Variants in MSTO1 observed in about 807,000 individuals in gnomAD.
MSTO1 encodes protein misato homolog 1.
In MSTO1, 24 loss-of-function variants were observed where a neutral mutation model predicts 55.7. The observed-to-expected ratio is 0.43, with a 90% confidence interval of 0.31 to 0.61. MSTO1 has a LOEUF of 0.61. Ranked by LOEUF, MSTO1 falls within the 20% of genes least tolerant of loss-of-function variation. The probability of loss-of-function intolerance (pLI) is 0.09; values close to 1 mark genes in which losing one functional copy is unlikely to be tolerated. For missense variants in MSTO1, 363 were observed against 625.7 expected (o/e 0.58, Z 4.48); for synonymous variants, 162 against 252.8 (o/e 0.64, Z 3.41).
At chr1:155,578,709 A>C in the MSTO1 span, among the ~76,000 whole-genome samples, 1 of 149,466 alleles carries the variant, frequency 6.7e-6, no homozygotes. Context: ...ATGGGGTTTC[A>C]CCGTGTTAGC....
At chr1:155,569,256 C>T in the MSTO1 span, among the ~76,000 whole-genome samples, 2 of 150,982 alleles carry the variant, frequency 1.3e-5, no homozygotes, top group African/African-American at 4.9e-5. Context: ...CTGCCTCAGC[C>T]TCCTGAGTAG....
At chr1:155,568,464 G>A in the MSTO1 span, among the ~76,000 whole-genome samples, 36 of 139,262 alleles carry the variant, frequency 2.6e-4, no homozygotes, top group African/African-American at 8.5e-4. Flanking sequence ...TTTGAGATGC[G>A]GTCTCACTCT....
chr1:155,594,275 G>A, the MSTO1 span, among the ~76,000 whole-genome samples: 3 of 151,830 alleles, frequency 2.0e-5, no homozygotes, highest in Admixed American at 6.6e-5. Context: ...GGTGGCAGGC[G>A]CCTGTAATCC....
the MSTO1 span, among the ~76,000 whole-genome samples, chr1:155,601,026 G>T: frequency 2.1e-5 from 3 of 141,520 alleles, no homozygotes; most frequent in South Asian, 6.6e-4. Flanking sequence ...CACCATGTTG[G>T]TCTGGCTGGT....
chr1:155,602,062 C>CT, the MSTO1 span: 6 of 654,176 alleles, frequency 9.2e-6, no homozygotes, highest in East Asian at 6.3e-5. Context: ...CCTCTTCTGC[C>CT]TTTTTTTAAG....
At chr1:155,611,374 C>A (rs983596658) in intron 4 of MSTO1, 83 bp downstream of exon 4, 1 of 1,612,464 alleles carries the variant, frequency 6.2e-7, no homozygotes, top group African/African-American at 1.3e-5. Context: ...GGATTTTAAT[C>A]ATTTTAAGTG....
At chr1:155,599,457 C>T in the MSTO1 span, among the ~76,000 whole-genome samples, 3 of 152,098 alleles carry the variant, frequency 2.0e-5, no homozygotes, top group Non-Finnish European at 1.5e-5. Context: ...TGAGTACCCA[C>T]AGAGCCTTTT....
At chr1:155,598,867 A>T in the MSTO1 span, 8 of 1,454,088 alleles carry the variant, frequency 5.5e-6, no homozygotes, top group South Asian at 9.1e-5. Context: ...TTGCCATGTT[A>T]TTCATTTCTG....
At chr1:155,591,329 T>C in the MSTO1 span, 8 of 1,204,322 alleles carry the variant, frequency 6.6e-6, no homozygotes, top group Middle Eastern at 1.9e-4. Flanking sequence ...CGACACTTAA[T>C]ATTAACCATC....
chr1:155,603,518 T>C, the MSTO1 span, among the ~76,000 whole-genome samples: 1 of 152,142 alleles, frequency 6.6e-6, no homozygotes, highest in Non-Finnish European at 1.5e-5. Flanking sequence ...ACATAAAGAT[T>C]GAATAGCACG....
chr1:155,594,362 C>T, the MSTO1 span, among the ~76,000 whole-genome samples: 1 of 152,106 alleles, frequency 6.6e-6, no homozygotes, highest in East Asian at 1.9e-4. Flanking sequence ...GATCATGCCA[C>T]TGTACTCCAG....
rs1674642813 is a variant in MSTO1, at chr1:155,613,054, G to A, written c.1104G>A (p.Val368=). 3 of 1,613,720 alleles carry A rather than the reference G, an allele frequency of 1.9e-6. No individual in the cohort carries two copies. Among genetic ancestry groups the A allele is most frequent in the African/African-American group, 1.3e-5 (1 of 75,030 alleles). ...GTTCTCTTCCATCTCTTTAGGTGGT[G>A]ACAGCAGGAGCAATCATCCCTTTCC... The part of the protein sequence containing the change: ...DMLSFCGKKV[V]TAGAIIPFPL... The change falls in exon 11 of 14, where the codon GTG becomes GTA. Residue 368 remains valine (V), a synonymous_variant. Coordinates refer to ENST00000245564, the MANE Select transcript of MSTO1 (RefSeq NM_018116.4).
chr1:155,581,166 A>G, the MSTO1 span, among the ~76,000 whole-genome samples: 6 of 152,096 alleles, frequency 3.9e-5, no homozygotes, highest in Non-Finnish European at 8.8e-5. Context: ...CAGTCTTGCT[A>G]TCTTGCCAGG....
At chr1:155,602,782 C>T in the MSTO1 span, among the ~76,000 whole-genome samples, 2 of 151,854 alleles carry the variant, frequency 1.3e-5, no homozygotes, top group Non-Finnish European at 2.9e-5. Context: ...CCAGTTGATT[C>T]ATTGACTTTT....
the MSTO1 span, among the ~76,000 whole-genome samples, chr1:155,602,380 G>A: frequency 6.6e-6 from 1 of 152,328 alleles, no homozygotes; most frequent in Middle Eastern, 3.4e-3. Context: ...GGAGGCTGAG[G>A]CAGGAGAATC....
At chr1:155,608,651 C>G (rs1177805913), upstream of MSTO1, among the ~76,000 whole-genome samples, 4 of 151,650 alleles carry the variant, frequency 2.6e-5, no homozygotes, top group South Asian at 8.3e-4. Flanking sequence ...AGGTCGCGCC[C>G]GTCACCACGC....
At chr1:155,567,415 C>T in the MSTO1 span, among the ~76,000 whole-genome samples, 3 of 151,748 alleles carry the variant, frequency 2.0e-5, no homozygotes, top group Non-Finnish European at 4.4e-5. Context: ...GGGTTCACGC[C>T]ATTCTCCTGC....
chr1:155,597,789 C>T, the MSTO1 span, among the ~76,000 whole-genome samples: 3 of 149,346 alleles, frequency 2.0e-5, no homozygotes, highest in South Asian at 2.1e-4. Flanking sequence ...GGATTACAGG[C>T]GTGAGCCACA....
At chr1:155,612,762 G>T in intron 9 of MSTO1, 82 bp from the exon 10 acceptor site, 1 of 1,559,350 alleles carries the variant, frequency 6.4e-7, no homozygotes. Context: ...CGTCCCCTGG[G>T]TCTCTCTGGT....
Sources: gnomAD v4.1 joint callset for allele counts (sites outside exome capture counted in the v4.1 genomes callset) on GRCh38, gnomAD v4.1.1 for gene constraint, MANE v1.5 for transcripts, NCBI Gene and HGNC (gene_info 2026-07-23, HGNC 2026-07-21) for gene names.